The following BTBD7 variants were observed in gnomAD, a reference collection of about 807,000 sequenced individuals.
BTBD7 encodes BTB/POZ domain-containing protein 7.
In BTBD7, 38 loss-of-function variants were observed where a neutral mutation model predicts 99.9. That is an observed-to-expected ratio of 0.38 (90% CI 0.29 to 0.50). The LOEUF (loss-of-function observed/expected upper bound fraction) is 0.50, where lower values mean the gene tolerates loss of function less well. BTBD7 is among the 20% of genes least tolerant of loss of function. The pLI is 0.93. For missense variants in BTBD7, 1,170 were observed against 1,394.6 expected, an observed-to-expected ratio of 0.84 and a Z score of 2.57; for synonymous variants, 520 against 511.4, an observed-to-expected ratio of 1.02 and a Z score of -0.23.
chr14:93,245,816 T>A lies in BTBD7; in HGVS notation c.2583+9A>T, dbSNP rs778587077. On this transcript the variant is annotated intron_variant, in intron 10 of 10. Transcript: ENST00000334746. Reference sequence around the variant, plus strand: ...GAATTTGAAGCAAGTTACTGAAGTGTTGACTTACCACTTGCTTCTCAGATG... The same window carrying A: ...GAATTTGAAGCAAGTTACTGAAGTGATGACTTACCACTTGCTTCTCAGATG... 24 of 1,608,442 alleles carry A rather than the reference T, an allele frequency of 1.5e-5. No individual in the cohort carries two copies. The Middle Eastern group carries it at 8.8e-4, about 59-fold the overall frequency.
Position 93,237,871 on chromosome 14 carries a change from C to G in BTBD7, c.*4402G>C, listed in dbSNP as rs2139660823. ...AATCAGTTTAAGAAAAATTTCTGAG[C>G]CTTTAGCATTGAAGGCACTTGACTT... On this transcript the variant is annotated 3_prime_UTR_variant, in exon 11 of 11. Coordinates refer to ENST00000334746, the MANE Select transcript of BTBD7 (RefSeq NM_001002860.4). 1 of 152,688 alleles carries G rather than the reference C, an allele frequency of 6.5e-6. No individual in the cohort carries two copies. Among genetic ancestry groups the G allele is most frequent in the Admixed American group, 6.5e-5 (1 of 15,286 alleles). 9.5% of individuals were successfully genotyped at this position (152,688 alleles called of 1,614,324 possible). A position where few individuals can be genotyped will look rare whatever the true frequency, so the allele number is the denominator to read the frequency against.
Position 93,242,511 on chromosome 14 carries a change from A to T in BTBD7, c.3161T>A (p.Val1054Asp), listed in dbSNP as rs767026101. 6.2e-7 allele frequency: 1 copy of T among 1,614,226 alleles called. No individual in the cohort carries two copies. The highest frequency in any genetic ancestry group is 8.5e-7 in the Non-Finnish European group (1 of 1,180,044). The change falls in exon 11 of 11, where the codon GTC becomes GAC. Residue 1054 changes from valine to aspartate, a missense_variant. This residue lies in a region of BTBD7 where 495 missense variants were observed against 525.9 expected (regional missense o/e 0.94). Coordinates refer to ENST00000334746, the MANE Select transcript of BTBD7 (RefSeq NM_001002860.4). ...PENASTGPAH[V>D]RGRTAVETDL... ...AGTTTCTACTGCAGTTCGTCCCCTG[A>T]CATGGGCTGGACCGGTACTAGCATT...
At chr14:93,295,887 CTTTT>C in intron 2 of BTBD7, 79 bp downstream of exon 2, 1 of 1,290,922 alleles carries the variant, frequency 7.7e-7, no homozygotes, top group Non-Finnish European at 1.1e-6. Context: ...CAGCTCACTT[CTTTT>C]GTCATCTACA....
chr14:93,325,106 A>AATTTT (rs781161324), intron 1 of BTBD7, among the ~76,000 whole-genome samples: 1 of 105,574 alleles, frequency 9.5e-6, no homozygotes, highest in African/African-American at 3.8e-5. Context: ...GCATGCTCCA[A>AATTTT]TTTTTTTTTT....
chr14:93,327,808 C>G (rs1016409081), intron 1 of BTBD7, among the ~76,000 whole-genome samples: 1 of 152,012 alleles, frequency 6.6e-6, no homozygotes, highest in Non-Finnish European at 1.5e-5. Flanking sequence ...AAAAGGCATC[C>G]AAATTCGAAA....
At chr14:93,252,523 GTTT>G (rs34105100) in intron 7 of BTBD7, among the ~76,000 whole-genome samples, 1 of 142,468 alleles carries the variant, frequency 7.0e-6, no homozygotes, top group Non-Finnish European at 1.5e-5. Context: ...CGCCTGGCTA[GTTT>G]TTTTTTTTTT....
chr14:93,272,829 C>T (rs2052614473), intron 3 of BTBD7, among the ~76,000 whole-genome samples: 2 of 149,060 alleles, frequency 1.3e-5, no homozygotes, highest in East Asian at 4.1e-4. Flanking sequence ...GAATGCTCCT[C>T]TCTACTATTT....
intron 3 of BTBD7, among the ~76,000 whole-genome samples, chr14:93,285,663 T>C (rs2052769007): frequency 6.6e-6 from 1 of 152,178 alleles, no homozygotes; most frequent in Non-Finnish European, 1.5e-5. Flanking sequence ...GGTATACTCT[T>C]ACTGTTCTCA....
intron 3 of BTBD7, among the ~76,000 whole-genome samples, chr14:93,292,245 A>T (rs898946310): frequency 1.3e-5 from 2 of 152,168 alleles, no homozygotes; most frequent in African/African-American, 4.8e-5. Flanking sequence ...AGTCTATATA[A>T]TTTGGTTTCT....
chr14:93,318,845 AC>A (rs780775577), intron 1 of BTBD7, among the ~76,000 whole-genome samples: 1 of 152,236 alleles, frequency 6.6e-6, no homozygotes, highest in Non-Finnish European at 1.5e-5. Context: ...TTCTTGGAGT[AC>A]TGGGACTGTG....
At chr14:93,298,047 CT>C (rs34985437) in intron 1 of BTBD7, among the ~76,000 whole-genome samples, 2 of 151,798 alleles carry the variant, frequency 1.3e-5, no homozygotes, top group Non-Finnish European at 2.9e-5. Flanking sequence ...ATTATTATTT[CT>C]TTTTTTTGTT....
chr14:93,245,873 G>T lies in BTBD7; in HGVS notation c.2535C>A (p.Thr845=). The change falls in exon 10 of 11, where the codon ACC becomes ACA. Residue 845 remains threonine (T), a synonymous_variant. Coordinates refer to ENST00000334746, the MANE Select transcript of BTBD7 (RefSeq NM_001002860.4). The stretch of plus-strand genomic sequence containing the variant: ...CTGCTGCTGCTGTTGCTGTTGAGGT[G>T]GTGGTGGCGGCAGCAGCAGCCACCG... ...RQTVAAAAAT[T]TSTATAAAAA... is the part of the protein sequence containing the mutation. The T allele has an allele frequency of 6.2e-7, 1 of 1,613,596 alleles. No homozygotes were observed. The highest frequency in any genetic ancestry group is 8.5e-7 in the Non-Finnish European group (1 of 1,179,814).
intron 1 of BTBD7, among the ~76,000 whole-genome samples, chr14:93,297,362 G>A (rs1260788638): frequency 3.3e-5 from 5 of 152,096 alleles, no homozygotes; most frequent in South Asian, 2.1e-4. Context: ...TCGCTCTGGC[G>A]CCCAGGCTGG....
In BTBD7 at chr14:93,238,832, G is replaced by A. The variant is rs1483041268; in HGVS notation, c.*3441C>T. On this transcript the variant is annotated 3_prime_UTR_variant, in exon 11 of 11. Transcript: ENST00000334746. ...CTTAATGCAGATGTACAAGGACTAAGCTCATTGCTAGAATGGCAACAACAA... is the reference window on the plus strand; with the variant it reads ...CTTAATGCAGATGTACAAGGACTAAACTCATTGCTAGAATGGCAACAACAA... The A allele has an allele frequency of 6.6e-6, 1 of 152,174 alleles. No homozygotes were observed. Among genetic ancestry groups the A allele is most frequent in the Non-Finnish European group, 1.5e-5 (1 of 68,026 alleles). 9.4% of individuals were successfully genotyped at this position (152,174 alleles called of 1,614,324 possible). A position where few individuals can be genotyped will look rare whatever the true frequency, so the allele number is the denominator to read the frequency against.
rs528920823 is a variant in BTBD7 at position 93,332,988 on chromosome 14, G to T, written c.-275C>A. The T allele has an allele frequency of 3.8e-5, 22 of 576,424 alleles. No homozygotes were observed. The highest frequency in any genetic ancestry group is 5.7e-5 in the Non-Finnish European group (20 of 350,784). 35.7% of individuals were successfully genotyped at this position (576,424 alleles called of 1,614,324 possible). A position where few individuals can be genotyped will look rare whatever the true frequency, so the allele number is the denominator to read the frequency against. ...CTCCTGTCAGTGGCTCAGGCTCCGG[G>T]ACTGCTCCAGGTTCCCCTCGCCGCC... On this transcript the variant is annotated 5_prime_UTR_variant, in exon 1 of 11. Coordinates refer to ENST00000334746, the MANE Select transcript of BTBD7 (RefSeq NM_001002860.4).
At chr14:93,316,927 G>T (rs1321872056) in intron 1 of BTBD7, among the ~76,000 whole-genome samples, 1 of 152,146 alleles carries the variant, frequency 6.6e-6, no homozygotes, top group Non-Finnish European at 1.5e-5. Context: ...GATGAGGCAG[G>T]ACATGTAGGC....
At chr14:93,295,439 T>C (rs556619566) in intron 2 of BTBD7, among the ~76,000 whole-genome samples, 4 of 152,160 alleles carry the variant, frequency 2.6e-5, no homozygotes, top group Non-Finnish European at 5.9e-5. Context: ...CTACATTTTT[T>C]ATATTAAATA....
chr14:93,261,776 T>TA, intron 4 of BTBD7, 99 bp from the exon 5 acceptor site: 1 of 825,496 alleles, frequency 1.2e-6, no homozygotes, highest in East Asian at 2.6e-5. Context: ...GCATGCAACT[T>TA]ACCATGTTTC....
chr14:93,301,392 C>T (rs764596624), intron 1 of BTBD7, among the ~76,000 whole-genome samples: 1 of 152,006 alleles, frequency 6.6e-6, no homozygotes, highest in Admixed American at 6.6e-5. Context: ...GGTTTCACCA[C>T]GTTGGTCAGG....
Sources: allele counts gnomAD v4.1 joint callset (sites outside exome capture counted in the v4.1 genomes callset), GRCh38; gene constraint gnomAD v4.1.1; regional missense constraint gnomAD v4.1.1; transcripts MANE v1.5; gene names NCBI Gene and HGNC (gene_info 2026-07-23, HGNC 2026-07-21).